EFHC2: variants seen among roughly 807,000 people sequenced by gnomAD.
EFHC2 encodes EF-hand domain containing 2, also known as EF-hand domain-containing family member C2.
EFHC2 carries 18 observed loss-of-function variants against 52.7 expected under a neutral mutation model. That is an observed-to-expected ratio of 0.34 (90% CI 0.24 to 0.51). EFHC2 has a LOEUF of 0.51. Among genes scored for constraint, EFHC2 ranks in the 20% least tolerant of loss-of-function variants. EFHC2 has a pLI of 0.97. For missense variants in EFHC2, 513 were observed against 562.5 expected (o/e 0.91, Z 0.89); for synonymous variants, 203 against 204.1 (o/e 0.99, Z 0.04).
intron 2 of EFHC2, among the ~76,000 whole-genome samples, chrX:44,281,069 A>AC (rs1231908547): frequency 9.1e-6 from 1 of 110,353 alleles, no homozygotes; most frequent in African/African-American, 3.3e-5. Flanking sequence ...ACAGGGGCAC[A>AC]CCTCCACGCC....
chrX:44,188,138 G>A (rs1386565794), intron 11 of EFHC2, among the ~76,000 whole-genome samples: 1 of 91,236 alleles, frequency 1.1e-5, no homozygotes, highest in African/African-American at 4.0e-5. Context: ...GTGCCACCAC[G>A]CCCAGCAATT....
In EFHC2 at chrX:44,343,600, T is replaced by C; in HGVS notation, c.-12A>G. 24 of 1,183,128 alleles carry C rather than the reference T, an allele frequency of 2.0e-5. No individual in the cohort carries two copies. Among genetic ancestry groups the C allele is most frequent in the Non-Finnish European group, 2.7e-5 (24 of 882,977 alleles). On this transcript the variant is annotated 5_prime_UTR_variant, in exon 1 of 15. Coordinates refer to ENST00000420999, the MANE Select transcript of EFHC2 (RefSeq NM_025184.4). ...AGAGGCAGGGCCATGGCGCTCAGTG[T>C]CCGAAAATCCAGGGTCCCAGAAGAG... is the stretch of plus-strand genomic sequence containing the variant.
intron 1 of EFHC2, among the ~76,000 whole-genome samples, chrX:44,314,438 C>T (rs1182044287): frequency 8.9e-6 from 1 of 112,268 alleles, no homozygotes; most frequent in Non-Finnish European, 1.9e-5. Flanking sequence ...GAGCAGCCCT[C>T]CCCAGGGGAG....
intron 11 of EFHC2, among the ~76,000 whole-genome samples, chrX:44,212,410 GCC>G (rs2037107022): frequency 9.0e-6 from 1 of 110,829 alleles, no homozygotes; most frequent in African/African-American, 3.3e-5. Flanking sequence ...GTAACCACGA[GCC>G]TGACCTACTG....
intron 5 of EFHC2, among the ~76,000 whole-genome samples, chrX:44,249,504 T>G (rs921003063): frequency 9.1e-6 from 1 of 109,306 alleles, no homozygotes. Flanking sequence ...CTCAAAGAGG[T>G]TAAGTGATTT....
chrX:44,266,765 C>T (rs1019813123), intron 3 of EFHC2, among the ~76,000 whole-genome samples: 1 of 111,488 alleles, frequency 9.0e-6, no homozygotes, highest in African/African-American at 3.3e-5. Flanking sequence ...CACCACCCCT[C>T]CACCACTTTA....
At chrX:44,276,294 G>A (rs747398054) in intron 2 of EFHC2, among the ~76,000 whole-genome samples, 26 of 111,385 alleles carry the variant, frequency 2.3e-4, no homozygotes, top group African/African-American at 7.8e-4. Flanking sequence ...CAGGTATGGT[G>A]GTGCGTGCCT....
Position 44,255,778 on chromosome X carries a change from T to C in EFHC2, c.606+5297A>G, listed in dbSNP as rs144338261. Among the ~76,000 whole-genome samples the C allele has an allele frequency of 1.1e-3, 125 of 111,900 alleles. 6 individuals are homozygous for C. The East Asian group carries it at 0.019, about 17-fold the overall frequency. On this transcript the variant is annotated intron_variant, in intron 4 of 14. Transcript: ENST00000420999. ...TCAGCTCTGGACCAAGTGGACCTAA[T>C]AGACATCTACAGAACTCTCCACCCC... is the stretch of plus-strand genomic sequence containing the variant.
chrX:44,221,696 T>C (rs1272319600), intron 11 of EFHC2, among the ~76,000 whole-genome samples: 2 of 111,792 alleles, frequency 1.8e-5, no homozygotes, highest in African/African-American at 6.5e-5. Flanking sequence ...AAAAACCTGC[T>C]GTGCAATTCT....
At chrX:44,287,025 C>CT (rs1312842132) in intron 2 of EFHC2, among the ~76,000 whole-genome samples, 21 of 30,999 alleles carry the variant, frequency 6.8e-4, no homozygotes, top group Non-Finnish European at 1.0e-3. Context: ...ACTCCCATCT[C>CT]TAAAAAAAAA....
intron 14 of EFHC2, among the ~76,000 whole-genome samples, 152 bp from the exon 15 acceptor site, chrX:44,149,048 T>G (rs977068772): frequency 2.7e-5 from 3 of 112,552 alleles, no homozygotes; most frequent in African/African-American, 9.7e-5. Context: ...TGTTCTTGAT[T>G]CTTCATTCCC....
chrX:44,308,419 GA>G lies in EFHC2; in HGVS notation c.231+4148del, dbSNP rs1239104688. On this transcript the variant is annotated intron_variant, in intron 2 of 14. Transcript: ENST00000420999. ...AAAGAGACATATTCTTGTATTAAAA[GA>G]AAAAAAAAAGAAAAAAAAACTCTTC... 1.3e-4 allele frequency among the ~76,000 whole-genome samples: 12 copies of G among 94,730 alleles called. No individual in the cohort carries two copies. In the East Asian group the frequency reaches 2.3e-3, roughly 18 times the overall value. 82.3% of individuals were successfully genotyped at this position (94,730 alleles called of 115,157 possible).
rs767453393 is a variant in EFHC2 at position 44,165,410 on chromosome X, T to A, written c.2043-1383A>T. ...CCAATATGCTGCCCCCTACCCACTGTTTACCACCCTTTAAATTATGGCTCA... is the reference window on the plus strand; with the variant it reads ...CCAATATGCTGCCCCCTACCCACTGATTACCACCCTTTAAATTATGGCTCA... On this transcript the variant is annotated intron_variant, in intron 13 of 14. Transcript: ENST00000420999. Among the ~76,000 whole-genome samples the A allele has an allele frequency of 4.5e-5, 5 of 111,458 alleles. No homozygotes were observed. The East Asian group carries it at 8.5e-4, about 19-fold the overall frequency.
intron 3 of EFHC2, among the ~76,000 whole-genome samples, chrX:44,262,976 G>A (rs190231885): frequency 8.9e-5 from 10 of 112,251 alleles, no homozygotes; most frequent in Admixed American, 6.6e-4. Flanking sequence ...GCTCCAGAGG[G>A]AGAGACTATT....
intron 13 of EFHC2, 52 bp from the exon 14 acceptor site, chrX:44,164,079 C>T: frequency 1.3e-6 from 1 of 775,509 alleles, no homozygotes; most frequent in Non-Finnish European, 1.8e-6. Flanking sequence ...GAATTCAAGA[C>T]CAAAATGTCA....
chrX:44,321,628 GAAAC>G (rs2038021443), intron 1 of EFHC2, among the ~76,000 whole-genome samples: 1 of 111,546 alleles, frequency 9.0e-6, no homozygotes, highest in South Asian at 3.7e-4. Flanking sequence ...TAGTATCATG[GAAAC>G]TACCTAAAGA....
intron 11 of EFHC2, among the ~76,000 whole-genome samples, chrX:44,184,283 C>T (rs1411453434): frequency 8.9e-6 from 1 of 111,742 alleles, no homozygotes; most frequent in African/African-American, 3.3e-5. Flanking sequence ...AACTTCAGAG[C>T]CTTTGTACTT....
At chrX:44,322,810 C>T (rs1476603231) in intron 1 of EFHC2, among the ~76,000 whole-genome samples, 2 of 111,244 alleles carry the variant, frequency 1.8e-5, no homozygotes, top group South Asian at 7.7e-4. Context: ...TATAGGAGTT[C>T]AAGACCAGCC....
At chrX:44,310,434 G>C in intron 2 of EFHC2, 3 of 967,033 alleles carry the variant, frequency 3.1e-6, no homozygotes, top group Non-Finnish European at 4.2e-6. Flanking sequence ...TGCAGCTGCT[G>C]CGGGTCCGTA....
Sources: gnomAD v4.1 joint callset for allele counts (sites outside exome capture counted in the v4.1 genomes callset) on GRCh38, gnomAD v4.1.1 for gene constraint, MANE v1.5 for transcripts, NCBI Gene and HGNC (gene_info 2026-07-23, HGNC 2026-07-21) for gene names.